The following WWOX variants were observed in gnomAD, a reference collection of about 807,000 sequenced individuals.
WWOX encodes WW domain containing oxidoreductase, also known as WW domain-containing oxidoreductase.
Under a neutral mutation model 46.2 loss-of-function variants are expected in WWOX, and 69 were observed. The ratio of observed to expected loss-of-function variants is 1.49; its 90% CI spans 1.23 to 1.82. The LOEUF (loss-of-function observed/expected upper bound fraction) is 1.82, where lower values mean the gene tolerates loss of function less well. Ranked by LOEUF, WWOX falls within the 40% of genes most tolerant of loss-of-function variation. WWOX has a pLI of 0.00. For synonymous variants in WWOX, 359 were observed against 202.6 expected (o/e 1.77, Z -6.56); for missense variants, 919 against 542.6 (o/e 1.69, Z -6.89).
chr16:78,841,751 C>T (rs976035395), intron 8 of WWOX, among the ~76,000 whole-genome samples: 1 of 152,020 alleles, frequency 6.6e-6, no homozygotes, highest in Non-Finnish European at 1.5e-5. Flanking sequence ...AAAATGTGTA[C>T]TATTTTATTG....
intron 5 of WWOX, among the ~76,000 whole-genome samples, chr16:78,333,612 AATTG>A (rs1176797660): frequency 1.3e-5 from 2 of 152,268 alleles, no homozygotes; most frequent in East Asian, 3.9e-4. Flanking sequence ...TATTCATCTT[AATTG>A]ATGTTAATTG....
intron 8 of WWOX, among the ~76,000 whole-genome samples, chr16:78,530,436 G>T (rs922857369): frequency 2.6e-5 from 4 of 152,186 alleles, no homozygotes; most frequent in Non-Finnish European, 5.9e-5. Context: ...GACAAAGCAG[G>T]AAGGTAATTT....
At chr16:78,601,804 G>A (rs753001803) in intron 8 of WWOX, among the ~76,000 whole-genome samples, 2 of 152,182 alleles carry the variant, frequency 1.3e-5, no homozygotes, top group African/African-American at 2.4e-5. Flanking sequence ...CTGCGGAAGA[G>A]TAGGGAAAGG....
At chr16:78,685,598 G>T (rs1388898307) in intron 8 of WWOX, among the ~76,000 whole-genome samples, 1 of 152,214 alleles carries the variant, frequency 6.6e-6, no homozygotes, top group Non-Finnish European at 1.5e-5. Context: ...GTACATAACT[G>T]TTCTGTGTAT....
At chr16:78,393,686 T>G (rs1833724789) in intron 6 of WWOX, among the ~76,000 whole-genome samples, 1 of 152,180 alleles carries the variant, frequency 6.6e-6, no homozygotes, top group African/African-American at 2.4e-5. Context: ...GATAGGAAAT[T>G]CATATTAAAA....
At chr16:79,097,125 C>T (rs184522095) in intron 8 of WWOX, among the ~76,000 whole-genome samples, 2 of 152,054 alleles carry the variant, frequency 1.3e-5, no homozygotes, top group South Asian at 2.1e-4. Context: ...TGTAGGTACT[C>T]GTTATGGACA....
chr16:78,259,687 G>C (rs2038227762), intron 5 of WWOX, among the ~76,000 whole-genome samples: 1 of 151,164 alleles, frequency 6.6e-6, no homozygotes, highest in African/African-American at 2.4e-5. Flanking sequence ...GTATAGAAGT[G>C]GGCATTCTAA....
At chr16:79,209,761 C>T (rs73569314) in intron 8 of WWOX, among the ~76,000 whole-genome samples, 17,291 of 152,244 alleles carry the variant, frequency 0.11, 1,375 homozygotes, top group African/African-American at 0.22. Flanking sequence ...AGAGGCACTT[C>T]TGCTTCCCTT....
chr16:78,472,406 C>T (rs1198681540), intron 8 of WWOX, among the ~76,000 whole-genome samples: 1 of 152,140 alleles, frequency 6.6e-6, no homozygotes, highest in Non-Finnish European at 1.5e-5. Context: ...TAAAGGAAGA[C>T]ATTTAGAAAA....
chr16:78,757,351 CCCCAGCAT>C lies in WWOX; in HGVS notation c.1056+324600_1056+324607del, dbSNP rs1007808288. Among the ~76,000 whole-genome samples, 29 of 127,504 alleles carry C rather than the reference CCCCAGCAT, an allele frequency of 2.3e-4. No homozygotes were observed. The South Asian group carries it at 2.8e-3, about 12-fold the overall frequency. The allele number at this position is 127,504 out of a possible 152,430, so 83.6% of individuals were successfully genotyped here. On this transcript the variant is annotated intron_variant, in intron 8 of 8. Transcript: ENST00000566780. Reference sequence around the variant, plus strand: ...ACCCCAGCACCCCAGCACCCCAGCACCCCAGCATGACCACCATTTAGAGGGAGCTGCGC... The same window carrying C: ...ACCCCAGCACCCCAGCACCCCAGCACGACCACCATTTAGAGGGAGCTGCGC...
chr16:78,332,038 A>G (rs959680780), intron 5 of WWOX, among the ~76,000 whole-genome samples: 1 of 152,188 alleles, frequency 6.6e-6, no homozygotes, highest in African/African-American at 2.4e-5. Context: ...AGCTGCTCTC[A>G]GGGAGTCTGA....
chr16:78,478,636 A>T (rs973395927), intron 8 of WWOX, among the ~76,000 whole-genome samples: 1 of 152,116 alleles, frequency 6.6e-6, no homozygotes, highest in African/African-American at 2.4e-5. Flanking sequence ...ATTCCAGGCC[A>T]CAAGGGTGCC....
At chr16:78,541,154 C>T (rs1052026500) in intron 8 of WWOX, among the ~76,000 whole-genome samples, 3 of 152,106 alleles carry the variant, frequency 2.0e-5, no homozygotes, top group Admixed American at 6.5e-5. Flanking sequence ...ATTGCACATA[C>T]TCTATAAATA....
chr16:78,419,329 C>T lies in WWOX; in HGVS notation c.606-5541C>T, dbSNP rs72628251. 7.0e-3 allele frequency among the ~76,000 whole-genome samples: 1,061 copies of T among 152,044 alleles called. 23 individuals are homozygous for T. The East Asian group carries it at 0.084, about 12-fold the overall frequency. ...ATGAATGCAAAGGAACCTGAATAACCAAAACAAGCTTGAAAAAGAAGAGTG... is the reference window on the plus strand; with the variant it reads ...ATGAATGCAAAGGAACCTGAATAACTAAAACAAGCTTGAAAAAGAAGAGTG... On this transcript the variant is annotated intron_variant, in intron 6 of 8. Transcript: ENST00000566780.
chr16:78,795,923 G>A lies in WWOX; in HGVS notation c.1056+363171G>A, dbSNP rs186862498. Among the ~76,000 whole-genome samples, 14 of 152,260 alleles carry A rather than the reference G, an allele frequency of 9.2e-5. No individual in the cohort carries two copies. The East Asian group carries it at 1.2e-3, about 13-fold the overall frequency. ...ACAAAAGTATAAGGTTTAAGTAAGCGAACGAAATGGAAGATAATTGAGGAA... is the reference window on the plus strand; with the variant it reads ...ACAAAAGTATAAGGTTTAAGTAAGCAAACGAAATGGAAGATAATTGAGGAA... On this transcript the variant is annotated intron_variant, in intron 8 of 8. Transcript: ENST00000566780.
chr16:78,789,760 C>G (rs1308245170), intron 8 of WWOX, among the ~76,000 whole-genome samples: 1 of 152,174 alleles, frequency 6.6e-6, no homozygotes, highest in Non-Finnish European at 1.5e-5. Flanking sequence ...GGCCAGCTCC[C>G]AAACACCATG....
chr16:78,744,442 T>TC (rs2049300710), intron 8 of WWOX, among the ~76,000 whole-genome samples: 1 of 144,368 alleles, frequency 6.9e-6, no homozygotes, highest in East Asian at 2.0e-4. Flanking sequence ...TTTTTTTTTT[T>TC]TTTTTTTGAA....
intron 4 of WWOX, among the ~76,000 whole-genome samples, chr16:78,145,471 G>GAA (rs1472845640): frequency 6.6e-6 from 1 of 152,170 alleles, no homozygotes; most frequent in Non-Finnish European, 1.5e-5. Flanking sequence ...CAGCATGGGA[G>GAA]AAAGATAAAG....
chr16:78,315,621 G>A (rs754280432), intron 5 of WWOX, among the ~76,000 whole-genome samples: 1 of 152,166 alleles, frequency 6.6e-6, no homozygotes, highest in Non-Finnish European at 1.5e-5. Flanking sequence ...CTGTACTCCA[G>A]CCTGGGTGAC....
Sources: allele counts gnomAD v4.1 joint callset (sites outside exome capture counted in the v4.1 genomes callset), GRCh38; gene constraint gnomAD v4.1.1; transcripts MANE v1.5; gene names NCBI Gene and HGNC (gene_info 2026-07-23, HGNC 2026-07-21).